CNTNAP2: variants seen among roughly 807,000 people sequenced by gnomAD.
CNTNAP2 encodes the protein contactin associated protein 2, also known as contactin-associated protein-like 2.
Under a neutral mutation model 155.2 loss-of-function variants are expected in CNTNAP2, and 98 were observed. That is an observed-to-expected ratio of 0.63 (90% CI 0.54 to 0.75). The LOEUF is 0.75. Among genes scored for constraint, CNTNAP2 ranks in the 30% least tolerant of loss-of-function variants. The probability of loss-of-function intolerance (pLI) is 0.00; values close to 1 mark genes in which losing one functional copy is unlikely to be tolerated. For missense variants in CNTNAP2, 1,727 were observed against 1,688.1 expected (o/e 1.02, Z -0.40); for synonymous variants, 651 against 631.2 (o/e 1.03, Z -0.47).
At chr7:146,312,746 T>A (rs1371619460) in intron 1 of CNTNAP2, among the ~76,000 whole-genome samples, 1 of 152,192 alleles carries the variant, frequency 6.6e-6, no homozygotes, top group Admixed American at 6.5e-5. Context: ...GGTATCCACA[T>A]TTCTATTCCT....
At chr7:146,523,483 A>G (rs1797644775) in intron 1 of CNTNAP2, among the ~76,000 whole-genome samples, 2 of 152,176 alleles carry the variant, frequency 1.3e-5, no homozygotes, top group African/African-American at 4.8e-5. Flanking sequence ...TTTAACCGCC[A>G]CCAACCCTCA....
At chr7:146,216,007 G>A (rs1481095500) in intron 1 of CNTNAP2, among the ~76,000 whole-genome samples, 2 of 152,158 alleles carry the variant, frequency 1.3e-5, no homozygotes, top group African/African-American at 4.8e-5. Context: ...AGGGAAGGGA[G>A]GCCAGTTGCT....
chr7:146,620,007 T>G (rs1369333899), intron 1 of CNTNAP2, among the ~76,000 whole-genome samples: 1 of 152,202 alleles, frequency 6.6e-6, no homozygotes, highest in Admixed American at 6.5e-5. Context: ...GTAACTAGTA[T>G]TTCAAAAATG....
At chr7:146,716,915 T>C (rs1485714003) in intron 1 of CNTNAP2, among the ~76,000 whole-genome samples, 1 of 152,122 alleles carries the variant, frequency 6.6e-6, no homozygotes, top group African/African-American at 2.4e-5. Context: ...TCTTTAATAA[T>C]CAGGAAAATT....
At chr7:147,052,542 T>C (rs1799491981) in intron 4 of CNTNAP2, among the ~76,000 whole-genome samples, 1 of 152,074 alleles carries the variant, frequency 6.6e-6, no homozygotes, top group Non-Finnish European at 1.5e-5. Context: ...ATTACCAAAC[T>C]AAATATAATA....
chr7:146,490,170 C>T (rs1479600805), intron 1 of CNTNAP2, among the ~76,000 whole-genome samples: 2 of 152,160 alleles, frequency 1.3e-5, no homozygotes, highest in East Asian at 3.9e-4. Flanking sequence ...ACTATCAACA[C>T]CTCACAAGTT....
At chr7:148,320,718 C>A (rs1163739066) in intron 21 of CNTNAP2, among the ~76,000 whole-genome samples, 1 of 152,100 alleles carries the variant, frequency 6.6e-6, no homozygotes, top group Non-Finnish European at 1.5e-5. Flanking sequence ...TATTCCACCC[C>A]ACCTGTGCTA....
intron 8 of CNTNAP2, among the ~76,000 whole-genome samples, chr7:147,241,796 C>T (rs893469090): frequency 6.6e-6 from 1 of 152,056 alleles, no homozygotes; most frequent in Non-Finnish European, 1.5e-5. Flanking sequence ...TCTAGAATTG[C>T]TAGATAAAAT....
chr7:147,686,116 T>C (rs1234812959), intron 13 of CNTNAP2, among the ~76,000 whole-genome samples: 1 of 151,938 alleles, frequency 6.6e-6, no homozygotes, highest in Non-Finnish European at 1.5e-5. Context: ...AGGTGCCACT[T>C]AGGAGATTAT....
At chr7:147,447,135 G>C (rs1285534032) in intron 10 of CNTNAP2, among the ~76,000 whole-genome samples, 1 of 152,144 alleles carries the variant, frequency 6.6e-6, no homozygotes, top group Non-Finnish European at 1.5e-5. Context: ...CTGTGAACTA[G>C]ATAAGGGGCG....
At chr7:148,331,927 C>G (rs56181035) in intron 21 of CNTNAP2, among the ~76,000 whole-genome samples, 22,758 of 152,096 alleles carry the variant, frequency 0.15, 2,165 homozygotes, top group South Asian at 0.33. Flanking sequence ...AATGGAGCTG[C>G]CTGCCTGCCT....
chr7:148,096,543 AT>A (rs1803976326), intron 15 of CNTNAP2, among the ~76,000 whole-genome samples: 1 of 152,136 alleles, frequency 6.6e-6, no homozygotes, highest in Non-Finnish European at 1.5e-5. Flanking sequence ...ACAGGGGTGA[AT>A]ATTCATGAAG....
chr7:147,102,287 A>C lies in CNTNAP2; in HGVS notation c.551-5860A>C, dbSNP rs1387304536. Reference sequence around the variant, plus strand: ...TAAATGTAGGTAGGCAAAAAGAAAAAAAAAAAAAAAGAAGCTCAAGAAAGT... The same window carrying C: ...TAAATGTAGGTAGGCAAAAAGAAAACAAAAAAAAAAGAAGCTCAAGAAAGT... On this transcript the variant is annotated intron_variant, in intron 4 of 23. Transcript: ENST00000361727. Among the ~76,000 whole-genome samples, 4 of 151,320 alleles carry C rather than the reference A, an allele frequency of 2.6e-5. 1 individual carries two copies. The highest frequency in any genetic ancestry group is 2.6e-4 in the Admixed American group (4 of 15,188).
chr7:146,196,953 T>C (rs1462073336), intron 1 of CNTNAP2, among the ~76,000 whole-genome samples: 1 of 152,168 alleles, frequency 6.6e-6, no homozygotes, highest in Admixed American at 6.5e-5. Flanking sequence ...CTATTATCAT[T>C]GAAACACTGG....
At chr7:147,532,736 C>T (rs994081821) in intron 11 of CNTNAP2, among the ~76,000 whole-genome samples, 38 of 152,248 alleles carry the variant, frequency 2.5e-4, no homozygotes, top group East Asian at 7.7e-4. Flanking sequence ...ACACTTCTTA[C>T]GTGGCAGCAG....
At chr7:146,717,395 C>G (rs906985459) in intron 1 of CNTNAP2, among the ~76,000 whole-genome samples, 2 of 150,286 alleles carry the variant, frequency 1.3e-5, no homozygotes, top group Non-Finnish European at 3.0e-5. Flanking sequence ...TGCCTGTAAT[C>G]CCAGCTGCTC....
chr7:147,826,273 CAAAAG>C (rs539972203), intron 13 of CNTNAP2, among the ~76,000 whole-genome samples: 168 of 152,160 alleles, frequency 1.1e-3, no homozygotes, highest in African/African-American at 3.8e-3. Flanking sequence ...GAAAGGAACA[CAAAAG>C]GAAAACACAA....
intron 2 of CNTNAP2, among the ~76,000 whole-genome samples, chr7:146,800,746 A>T (rs1462380384): frequency 1.3e-5 from 2 of 152,160 alleles, no homozygotes; most frequent in South Asian, 2.1e-4. Context: ...TTGCTTAACT[A>T]TATTCAATTA....
intron 3 of CNTNAP2, among the ~76,000 whole-genome samples, chr7:146,917,267 A>G (rs542069413): frequency 9.8e-5 from 15 of 152,320 alleles, no homozygotes; most frequent in Non-Finnish European, 1.5e-4. Flanking sequence ...GAGCTGATAA[A>G]TAGAATGTAT....
Sources: gnomAD v4.1 joint callset for allele counts (sites outside exome capture counted in the v4.1 genomes callset) on GRCh38, gnomAD v4.1.1 for gene constraint, MANE v1.5 for transcripts, NCBI Gene and HGNC (gene_info 2026-07-23, HGNC 2026-07-21) for gene names.